Variants in PPARGC1A observed in about 807,000 individuals in gnomAD.
PPARGC1A encodes the protein PPARG coactivator 1 alpha.
PPARGC1A carries 25 observed loss-of-function variants against 88.7 expected under a neutral mutation model. That is an observed-to-expected ratio of 0.28 (90% CI 0.21 to 0.39). The LOEUF (loss-of-function observed/expected upper bound fraction) is 0.39, where lower values mean the gene tolerates loss of function less well. Ranked by LOEUF, PPARGC1A falls within the 10% of genes least tolerant of loss-of-function variation. The pLI, the probability that PPARGC1A is intolerant of heterozygous loss-of-function variation, is 1.00. For synonymous variants in PPARGC1A, 363 were observed against 355.6 expected, an observed-to-expected ratio of 1.02 and a Z score of -0.24; for missense variants, 880 against 968.7, an observed-to-expected ratio of 0.91 and a Z score of 1.22.
chr4:23,970,762 A>G, the PPARGC1A span, among the ~76,000 whole-genome samples: 1 of 152,320 alleles, frequency 6.6e-6, no homozygotes, highest in African/African-American at 2.4e-5. Context: ...ACCTCAATGG[A>G]AACAATACCA....
the PPARGC1A span, among the ~76,000 whole-genome samples, chr4:23,964,153 C>T: frequency 6.6e-6 from 1 of 152,132 alleles, no homozygotes; most frequent in Non-Finnish European, 1.5e-5. Context: ...GGGAACTGTT[C>T]TTTTATTCAT....
At chr4:24,166,424 T>A in the PPARGC1A span, among the ~76,000 whole-genome samples, 1 of 152,222 alleles carries the variant, frequency 6.6e-6, no homozygotes, top group Admixed American at 6.5e-5. Context: ...ATCTTCAATA[T>A]AGACAAAATA....
the PPARGC1A span, among the ~76,000 whole-genome samples, chr4:24,305,321 T>C: frequency 6.6e-6 from 1 of 151,760 alleles, no homozygotes; most frequent in Non-Finnish European, 1.5e-5. Flanking sequence ...AAACATGACT[T>C]TGAGAGTGAA....
chr4:24,274,009 G>A, the PPARGC1A span, among the ~76,000 whole-genome samples: 3 of 151,800 alleles, frequency 2.0e-5, no homozygotes, highest in African/African-American at 7.3e-5. Flanking sequence ...AAAGTGCTGG[G>A]ATTACAGGAG....
chr4:23,837,950 T>G (rs114085776), intron 2 of PPARGC1A, among the ~76,000 whole-genome samples: 3 of 152,324 alleles, frequency 2.0e-5, no homozygotes, highest in African/African-American at 7.2e-5. Context: ...TGCATAAAGT[T>G]TGATTCAATA....
upstream of PPARGC1A, among the ~76,000 whole-genome samples, chr4:23,899,931 C>A (rs749012683): frequency 6.6e-6 from 1 of 151,560 alleles, no homozygotes; most frequent in Non-Finnish European, 1.5e-5. Flanking sequence ...TCATATACTT[C>A]GATAACAAGT....
intron 1 of PPARGC1A, among the ~76,000 whole-genome samples, chr4:23,896,391 CCT>C (rs1239232310): frequency 6.6e-6 from 1 of 152,030 alleles, no homozygotes; most frequent in African/African-American, 2.4e-5. Context: ...AGAAATAGCC[CCT>C]GACGCCCAAT....
At chr4:24,217,512 G>T in the PPARGC1A span, among the ~76,000 whole-genome samples, 1 of 152,036 alleles carries the variant, frequency 6.6e-6, no homozygotes, top group Non-Finnish European at 1.5e-5. Context: ...TGGTATAAGA[G>T]AACATGGAGG....
At chr4:24,128,303 TC>T in the PPARGC1A span, among the ~76,000 whole-genome samples, 3 of 152,218 alleles carry the variant, frequency 2.0e-5, no homozygotes, top group Non-Finnish European at 4.4e-5. Context: ...CTAGCATATA[TC>T]TTATACGGAG....
At chr4:24,358,647 T>C in the PPARGC1A span, among the ~76,000 whole-genome samples, 6 of 152,232 alleles carry the variant, frequency 3.9e-5, no homozygotes, top group African/African-American at 1.4e-4. Flanking sequence ...TCTTTTCACG[T>C]GGTCTTACAT....
rs370917209 is a variant in PPARGC1A at position 23,803,212 on chromosome 4, TA to T, written c.2020-868del. Among the ~76,000 whole-genome samples, 49 of 150,902 alleles carry T rather than the reference TA, an allele frequency of 3.2e-4. 1 individual carries two copies. Among genetic ancestry groups the T allele is most frequent in the Middle Eastern group, 3.4e-3 (1 of 292 alleles). On this transcript the variant is annotated intron_variant, in intron 10 of 12. Transcript: ENST00000264867. ...ATGATTGGGCTTTATCTAGTTGTAC[TA>T]AAAAAAAATGTAAGATAAGGTTCTA...
At position 23,793,398 on chromosome 4, in the gene PPARGC1A, C is replaced by CA. The variant is rs1423467694; in HGVS notation, c.*2423dup. 1 of 152,226 alleles carries CA rather than the reference C, an allele frequency of 6.6e-6. No homozygotes were observed. Among genetic ancestry groups the CA allele is most frequent in the Non-Finnish European group, 1.5e-5 (1 of 67,974 alleles). 9.4% of individuals were successfully genotyped at this position (152,226 alleles called of 1,614,324 possible). A position where few individuals can be genotyped will look rare whatever the true frequency, so the allele number is the denominator to read the frequency against. On this transcript the variant is annotated 3_prime_UTR_variant, in exon 13 of 13. Transcript: ENST00000264867. ...TTCTATCTACTTAGAAATAAGAAGC[C>CA]AAAAAATCAAGCAAGCATCCGACAG...
chr4:24,369,965 C>CT, the PPARGC1A span, among the ~76,000 whole-genome samples: 1 of 152,186 alleles, frequency 6.6e-6, no homozygotes, highest in Admixed American at 6.5e-5. Flanking sequence ...GTGCTATCTC[C>CT]TTTTCAATCA....
At chr4:24,000,220 T>A in the PPARGC1A span, among the ~76,000 whole-genome samples, 1 of 152,168 alleles carries the variant, frequency 6.6e-6, no homozygotes, top group Non-Finnish European at 1.5e-5. Context: ...CACCGTTTCA[T>A]CCTAGGTATC....
chr4:23,962,276 C>A, the PPARGC1A span, among the ~76,000 whole-genome samples: 1 of 152,008 alleles, frequency 6.6e-6, no homozygotes, highest in Non-Finnish European at 1.5e-5. Flanking sequence ...TAAAGCAACC[C>A]GGAAAGGGAC....
At chr4:24,236,178 T>C in the PPARGC1A span, among the ~76,000 whole-genome samples, 1 of 152,208 alleles carries the variant, frequency 6.6e-6, no homozygotes, top group African/African-American at 2.4e-5. Context: ...AGCTTTATAA[T>C]GAGAATTTCC....
At position 23,812,978 on chromosome 4, in the gene PPARGC1A, G is replaced by A. The variant is rs755239844; in HGVS notation, c.1898+43C>T. ...TTGGAGAACATCTTGTCATCTCAAG[G>A]AGGGGATAAAGGGAGCTAAAGGAAA... On this transcript the variant is annotated intron_variant, in intron 9 of 12. Coordinates refer to ENST00000264867, the MANE Select transcript of PPARGC1A (RefSeq NM_013261.5). The A allele has an allele frequency of 1.9e-6, 3 of 1,611,490 alleles. No homozygotes were observed. The South Asian group carries it at 3.3e-5, about 18-fold the overall frequency.
the PPARGC1A span, among the ~76,000 whole-genome samples, chr4:23,980,109 C>T: frequency 3.3e-3 from 493 of 150,986 alleles, 1 homozygote; most frequent in Non-Finnish European, 5.0e-3. Context: ...AGTAGCTATC[C>T]CGTAGCCTTT....
chr4:24,018,465 G>C, the PPARGC1A span, among the ~76,000 whole-genome samples: 1,357 of 152,236 alleles, frequency 8.9e-3, 12 homozygotes, highest in Admixed American at 0.016. Flanking sequence ...GGGTAGATGG[G>C]TGAGGGTTTG....
Sources: gnomAD v4.1 joint callset for allele counts (sites outside exome capture counted in the v4.1 genomes callset) on GRCh38, gnomAD v4.1.1 for gene constraint, MANE v1.5 for transcripts, NCBI Gene and HGNC (gene_info 2026-07-23, HGNC 2026-07-21) for gene names.